The following LRRC36 variants were observed in gnomAD, a reference collection of about 807,000 sequenced individuals.
The protein encoded by LRRC36 is leucine rich repeat containing 36, also known as leucine-rich repeat-containing protein 36.
LRRC36 carries 62 observed loss-of-function variants against 81.1 expected under a neutral mutation model. That is an observed-to-expected ratio of 0.76 (90% CI 0.62 to 0.94). The LOEUF is 0.94. Among genes scored for constraint, LRRC36 ranks in the 40% least tolerant of loss-of-function variants. The pLI, the probability that LRRC36 is intolerant of heterozygous loss-of-function variation, is 0.00. For synonymous variants in LRRC36, 334 were observed against 348.6 expected (o/e 0.96, Z 0.47); for missense variants, 761 against 881.7 (o/e 0.86, Z 1.73).
intron 1 of LRRC36, among the ~76,000 whole-genome samples, chr16:67,336,885 A>G (rs1245777559): frequency 2.0e-5 from 3 of 151,854 alleles, no homozygotes; most frequent in Non-Finnish European, 4.4e-5. Context: ...CTCCCACTTC[A>G]GCCTACCAAG....
intron 2 of LRRC36, among the ~76,000 whole-genome samples, chr16:67,342,854 G>T (rs979144634): frequency 6.6e-6 from 1 of 152,136 alleles, no homozygotes; most frequent in African/African-American, 2.4e-5. Flanking sequence ...GATCTTCTGG[G>T]TCATCTACCA....
chr16:67,337,019 T>C (rs1439342720), intron 1 of LRRC36, among the ~76,000 whole-genome samples: 1 of 152,176 alleles, frequency 6.6e-6, no homozygotes, highest in Non-Finnish European at 1.5e-5. Context: ...TCTGCCTGCC[T>C]TGGCCTCCCA....
At chr16:67,353,519 T>C (rs1473327974) in intron 5 of LRRC36, among the ~76,000 whole-genome samples, 9 of 152,146 alleles carry the variant, frequency 5.9e-5, no homozygotes. Context: ...TTGGAATAGC[T>C]GGGATTACAG....
intron 13 of LRRC36, 36 bp from the exon 14 acceptor site, chr16:67,384,834 A>G: frequency 6.4e-7 from 1 of 1,561,634 alleles, no homozygotes; most frequent in Non-Finnish European, 8.8e-7. Flanking sequence ...TCTTGCTTTT[A>G]TGATTTCATG....
rs1390476856 is a variant in LRRC36 at position 67,370,895 on chromosome 16, A to G, written c.1196-49A>G. 2.0e-6 allele frequency: 3 copies of G among 1,520,210 alleles called. No individual in the cohort carries two copies. In the East Asian group the frequency reaches 6.8e-5, roughly 34 times the overall value. The allele number at this position is 1,520,210 out of a possible 1,614,324, so 94.2% of individuals were successfully genotyped here. A position where few individuals can be genotyped will look rare whatever the true frequency, so the allele number is the denominator to read the frequency against. The stretch of plus-strand genomic sequence containing the variant: ...GGCAAGGTATGGATAGAAGTGAGAC[A>G]TGAGGCAGTCAGAGGGCAGGTTCAT... On this transcript the variant is annotated intron_variant, in intron 8 of 13. Transcript: ENST00000329956.
chr16:67,344,619 G>C (rs764584169), intron 2 of LRRC36, among the ~76,000 whole-genome samples: 11 of 151,970 alleles, frequency 7.2e-5, no homozygotes, highest in Non-Finnish European at 1.6e-4. Flanking sequence ...AAAAAAACTT[G>C]AGCTGGGCCA....
rs779405653 is a variant in LRRC36 at position 67,382,129 on chromosome 16, G to C, written c.1931-4G>C. ...TTCACCCCTGGCTACTGTGCCCTTT[G>C]TAGATGATCTTCTGCACAAAAACCA... On this transcript the variant is annotated splice_polypyrimidine_tract_variant and splice_region_variant and intron_variant, in intron 12 of 13. Transcript: ENST00000329956. 2 of 1,600,338 alleles carry C rather than the reference G, an allele frequency of 1.2e-6. No individual in the cohort carries two copies. Among genetic ancestry groups the C allele is most frequent in the Non-Finnish European group, 1.7e-6 (2 of 1,167,482 alleles).
chr16:67,358,952 A>G (rs1252338653), intron 5 of LRRC36, among the ~76,000 whole-genome samples: 1 of 152,198 alleles, frequency 6.6e-6, no homozygotes, highest in Non-Finnish European at 1.5e-5. Flanking sequence ...TACTGGGCTT[A>G]ATATCCAGTG....
At chr16:67,351,646 G>T (rs1252983824) in intron 5 of LRRC36, among the ~76,000 whole-genome samples, 2 of 152,206 alleles carry the variant, frequency 1.3e-5, no homozygotes, top group Non-Finnish European at 2.9e-5. Context: ...AGCGGAGGTT[G>T]CAGTGAGCCC....
At chr16:67,370,460 G>A (rs2039584575) in intron 8 of LRRC36, among the ~76,000 whole-genome samples, 1 of 151,930 alleles carries the variant, frequency 6.6e-6, no homozygotes, top group Non-Finnish European at 1.5e-5. Flanking sequence ...TGGCCAATAT[G>A]GTGAAACCCC....
intron 10 of LRRC36, among the ~76,000 whole-genome samples, chr16:67,376,389 T>G (rs565525872): frequency 3.9e-5 from 6 of 152,226 alleles, no homozygotes; most frequent in Non-Finnish European, 7.4e-5. Flanking sequence ...TTTTAAAAAA[T>G]ATCTAAAGGG....
intron 2 of LRRC36, 137 bp downstream of exon 2, chr16:67,342,221 C>A: frequency 1.9e-6 from 1 of 531,774 alleles, no homozygotes; most frequent in Non-Finnish European, 2.9e-6. Context: ...TTAATTATTT[C>A]TTATAAAATT....
intron 5 of LRRC36, among the ~76,000 whole-genome samples, chr16:67,351,291 C>G (rs917885137): frequency 2.0e-5 from 3 of 152,140 alleles, no homozygotes; most frequent in Non-Finnish European, 4.4e-5. Flanking sequence ...CAAGCAATAA[C>G]TTTAGTAGAT....
intron 4 of LRRC36, among the ~76,000 whole-genome samples, chr16:67,349,716 A>C (rs1396684149): frequency 6.6e-6 from 1 of 152,142 alleles, no homozygotes; most frequent in East Asian, 1.9e-4. Context: ...CCCAGTATAA[A>C]TATTACTTTT....
rs572128190 is a variant in LRRC36 at position 67,335,796 on chromosome 16, G to A, written c.71-6161G>A. Among the ~76,000 whole-genome samples, 10 of 151,482 alleles carry A rather than the reference G, an allele frequency of 6.6e-5. No homozygotes were observed. The South Asian group carries it at 1.9e-3, about 28-fold the overall frequency. Reference sequence around the variant, plus strand: ...TGCCCAGGCTGGAATGCAGTGGCACGATCTTGGCTCACGGCAGCCTCCACC... The same window carrying A: ...TGCCCAGGCTGGAATGCAGTGGCACAATCTTGGCTCACGGCAGCCTCCACC... On this transcript the variant is annotated intron_variant, in intron 1 of 13. Transcript: ENST00000329956.
chr16:67,382,141 C>A lies in LRRC36; in HGVS notation c.1939C>A (p.Leu647Met). 1 of 1,612,602 alleles carries A rather than the reference C, an allele frequency of 6.2e-7. No individual in the cohort carries two copies. The highest frequency in any genetic ancestry group is 8.5e-7 in the Non-Finnish European group (1 of 1,178,666). Residue 647 changes from leucine to methionine, a missense_variant, in exon 13 of 14, where the codon CTG becomes ATG. Leu to Met is a conservative substitution (Grantham distance 15). Coordinates refer to ENST00000329956, the MANE Select transcript of LRRC36 (RefSeq NM_018296.6). ...TACTGTGCCCTTTGTAGATGATCTT[C>A]TGCACAAAAACCAACAGCTGACCAT... Reference protein sequence around the residue: ...GQQSHTYDDLLHKNQQLTMQV... With the variant: ...GQQSHTYDDLMHKNQQLTMQV...
rs556382653 is a variant in LRRC36 at position 67,361,361 on chromosome 16, G to A, written c.578-2229G>A. ...ATAGAATTGCTGACAGGCTCTTCTT[G>A]ATAACAGTTTCCAAAGTGGCCAGAA... is the stretch of plus-strand genomic sequence containing the variant. On this transcript the variant is annotated intron_variant, in intron 5 of 13. Transcript: ENST00000329956. Among the ~76,000 whole-genome samples, 9 of 152,114 alleles carry A rather than the reference G, an allele frequency of 5.9e-5. No individual in the cohort carries two copies. In the East Asian group the frequency reaches 1.7e-3, roughly 29 times the overall value.
intron 5 of LRRC36, among the ~76,000 whole-genome samples, chr16:67,362,962 TA>T (rs1462390207): frequency 6.6e-6 from 1 of 152,126 alleles, no homozygotes; most frequent in Non-Finnish European, 1.5e-5. Flanking sequence ...TTTGTATTTT[TA>T]GTAGAGACAG....
chr16:67,352,722 G>A (rs2038712305), intron 5 of LRRC36, among the ~76,000 whole-genome samples: 1 of 150,872 alleles, frequency 6.6e-6, no homozygotes, highest in Admixed American at 6.6e-5. Context: ...CTGTTGCCCA[G>A]GCTGGAGTGC....
Sources: allele counts gnomAD v4.1 joint callset (sites outside exome capture counted in the v4.1 genomes callset), GRCh38; gene constraint gnomAD v4.1.1; transcripts MANE v1.5; gene names NCBI Gene and HGNC (gene_info 2026-07-23, HGNC 2026-07-21).